MINDY4: variants seen among roughly 807,000 people sequenced by gnomAD.
The protein encoded by MINDY4 is MINDY lysine 48 deubiquitinase 4.
A neutral mutation model predicts 87.0 loss-of-function variants in MINDY4; 68 were observed. That is an observed-to-expected ratio of 0.78 (90% confidence interval 0.64 to 0.96). The LOEUF is 0.96. Among genes scored for constraint, MINDY4 ranks in the 40% least tolerant of loss-of-function variants. The pLI, the probability that MINDY4 is intolerant of heterozygous loss-of-function variation, is 0.00. For synonymous variants in MINDY4, 379 were observed against 363.2 expected (o/e 1.04, Z -0.50); for missense variants, 919 against 928.2 (o/e 0.99, Z 0.13).
chr7:30,815,847 A>G (rs894649523), intron 5 of MINDY4, among the ~76,000 whole-genome samples: 6 of 152,160 alleles, frequency 3.9e-5, no homozygotes, highest in Non-Finnish European at 5.9e-5. Context: ...AGGGCCACAA[A>G]GTCCTGGTGT....
chr7:30,824,033 T>C (rs983505436), intron 5 of MINDY4, among the ~76,000 whole-genome samples: 3 of 152,234 alleles, frequency 2.0e-5, no homozygotes, highest in Non-Finnish European at 4.4e-5. Context: ...TGGGTTCTGA[T>C]ATTTCATCAA....
chr7:30,797,249 C>A (rs1405668401), intron 5 of MINDY4, among the ~76,000 whole-genome samples: 3 of 152,188 alleles, frequency 2.0e-5, no homozygotes, highest in Admixed American at 6.5e-5. Context: ...GAGTCCCTGC[C>A]CTCTTGGATC....
chr7:30,837,014 C>T (rs970008019), intron 7 of MINDY4, among the ~76,000 whole-genome samples: 2 of 152,116 alleles, frequency 1.3e-5, no homozygotes, highest in Non-Finnish European at 2.9e-5. Context: ...CTCCAAATAC[C>T]GTGGGAATAG....
chr7:30,839,176 T>G, intron 7 of MINDY4, 24 bp from the exon 8 acceptor site: 1 of 1,510,956 alleles, frequency 6.6e-7, no homozygotes, highest in South Asian at 1.2e-5. Flanking sequence ...AAACAACCAG[T>G]AAAACTCTCT....
At chr7:30,846,626 T>C (rs1187700174) in intron 9 of MINDY4, among the ~76,000 whole-genome samples, 2 of 152,154 alleles carry the variant, frequency 1.3e-5, no homozygotes, top group African/African-American at 4.8e-5. Context: ...GACCTTTCCC[T>C]GTCATCATCT....
chr7:30,887,394 C>G (rs1160665656), intron 17 of MINDY4, among the ~76,000 whole-genome samples: 2 of 152,238 alleles, frequency 1.3e-5, no homozygotes, highest in Non-Finnish European at 2.9e-5. Flanking sequence ...TCCCTGGGGT[C>G]TAAGGATCCC....
In MINDY4 at chr7:30,791,599, G is replaced by A. The variant is rs752503699; in HGVS notation, c.1073+25G>A. 96 of 1,567,006 alleles carry A rather than the reference G, an allele frequency of 6.1e-5. No individual in the cohort carries two copies. The Middle Eastern group carries it at 7.3e-4, about 12-fold the overall frequency. ...GGTGAGTGTGCTATGCAAAGGTGAC[G>A]GCTTTTCAAAAAGAAGCTCCACCTC... On this transcript the variant is annotated intron_variant, in intron 5 of 17. Transcript: ENST00000265299.
chr7:30,773,352 C>T (rs1786703026), intron 1 of MINDY4, among the ~76,000 whole-genome samples: 1 of 152,160 alleles, frequency 6.6e-6, no homozygotes, highest in African/African-American at 2.4e-5. Flanking sequence ...ACCAGGAGGC[C>T]AAGAAACTTG....
intron 15 of MINDY4, among the ~76,000 whole-genome samples, chr7:30,878,294 C>T (rs1292179645): frequency 6.6e-6 from 1 of 152,208 alleles, no homozygotes; most frequent in Non-Finnish European, 1.5e-5. Context: ...TTCTGGGGCC[C>T]TCACTGGGTA....
rs181617030 is a variant in MINDY4, at chr7:30,848,574, C to G, written c.1446-1880C>G. The stretch of plus-strand genomic sequence containing the variant: ...TCTGCTTTCCAGGGCCCCCTTAGTC[C>G]TTGGTGTGGGCTCTCCTGAAACCTA... On this transcript the variant is annotated intron_variant, in intron 9 of 17. Coordinates refer to ENST00000265299, the MANE Select transcript of MINDY4 (RefSeq NM_032222.3). Among the ~76,000 whole-genome samples the G allele has an allele frequency of 2.5e-3, 374 of 152,316 alleles. 1 individual carries two copies. Among genetic ancestry groups the G allele is most frequent in the African/African-American group, 8.1e-3 (336 of 41,566 alleles).
At chr7:30,855,139 C>T (rs903731756) in intron 12 of MINDY4, among the ~76,000 whole-genome samples, 1 of 152,234 alleles carries the variant, frequency 6.6e-6, no homozygotes, top group African/African-American at 2.4e-5. Context: ...CTGGGGGCCC[C>T]CTTTGGCTTA....
At chr7:30,780,676 G>A (rs1786979893) in intron 2 of MINDY4, 1 of 152,104 alleles carries the variant, frequency 6.6e-6, no homozygotes, top group Admixed American at 6.6e-5. Context: ...AACCTCTTAG[G>A]TATAGGATAG....
intron 3 of MINDY4, among the ~76,000 whole-genome samples, chr7:30,782,828 C>A (rs1204582440): frequency 3.9e-5 from 6 of 152,172 alleles, no homozygotes; most frequent in Non-Finnish European, 5.9e-5. Flanking sequence ...ATGTTACAAT[C>A]TTGAGCAAGA....
chr7:30,773,756 A>G (rs1056388919), intron 1 of MINDY4, among the ~76,000 whole-genome samples: 1 of 151,920 alleles, frequency 6.6e-6, no homozygotes, highest in Non-Finnish European at 1.5e-5. Flanking sequence ...CAAGCTTCCC[A>G]CCTGTCAAAA....
intron 9 of MINDY4, among the ~76,000 whole-genome samples, chr7:30,841,256 C>G (rs1789028131): frequency 6.6e-6 from 1 of 152,242 alleles, no homozygotes; most frequent in African/African-American, 2.4e-5. Context: ...CCAGGCCGCC[C>G]CACAGATCAT....
intron 15 of MINDY4, among the ~76,000 whole-genome samples, chr7:30,880,306 C>T (rs543761742): frequency 6.9e-6 from 1 of 144,798 alleles, no homozygotes; most frequent in East Asian, 2.1e-4. Flanking sequence ...CCCCGCACCC[C>T]CCCCCACCCC....
chr7:30,879,847 C>T (rs1790404659), intron 15 of MINDY4, among the ~76,000 whole-genome samples: 1 of 152,120 alleles, frequency 6.6e-6, no homozygotes, highest in South Asian at 2.1e-4. Flanking sequence ...GCAAACTTGC[C>T]CACATTTGAG....
intron 4 of MINDY4, among the ~76,000 whole-genome samples, chr7:30,789,029 T>G (rs1180258158): frequency 6.6e-6 from 1 of 152,192 alleles, no homozygotes; most frequent in East Asian, 1.9e-4. Flanking sequence ...GGCCAGCAGT[T>G]TTTCCCACTG....
chr7:30,789,827 A>G (rs568071874), intron 4 of MINDY4, among the ~76,000 whole-genome samples: 1 of 152,336 alleles, frequency 6.6e-6, no homozygotes, highest in East Asian at 1.9e-4. Flanking sequence ...CCTCCCATTA[A>G]TAACAACATG....
Sources: allele counts gnomAD v4.1 joint callset (sites outside exome capture counted in the v4.1 genomes callset), GRCh38; gene constraint gnomAD v4.1.1; transcripts MANE v1.5; gene names NCBI Gene and HGNC (gene_info 2026-07-23, HGNC 2026-07-21).